Variants in CBFA2T3 observed in about 807,000 individuals in gnomAD.
The protein encoded by CBFA2T3 is transcriptional corepressor CBFA2T3.
In CBFA2T3, 31 loss-of-function variants were observed where a neutral mutation model predicts 58.6. That is an observed-to-expected ratio of 0.53 (90% CI 0.40 to 0.71). CBFA2T3 has a LOEUF of 0.71. Among genes scored for constraint, CBFA2T3 ranks in the 30% least tolerant of loss-of-function variants. The pLI is 0.00. For missense variants in CBFA2T3, 1,076 were observed against 963.1 expected (o/e 1.12, Z -1.55); for synonymous variants, 531 against 421.9 (o/e 1.26, Z -3.17).
intron 1 of CBFA2T3, among the ~76,000 whole-genome samples, chr16:88,930,971 A>G (rs1971280832): frequency 1.3e-5 from 2 of 151,928 alleles, no homozygotes. Flanking sequence ...GTGCTACTGA[A>G]GTGACACTAT....
intron 1 of CBFA2T3, among the ~76,000 whole-genome samples, chr16:88,950,046 C>A (rs1486231434): frequency 6.6e-6 from 1 of 152,144 alleles, no homozygotes; most frequent in Non-Finnish European, 1.5e-5. Context: ...ACCCCCGCCA[C>A]TCTCGAAGTC....
intron 1 of CBFA2T3, among the ~76,000 whole-genome samples, chr16:88,952,021 G>C (rs1445237144): frequency 6.6e-6 from 1 of 152,198 alleles, no homozygotes; most frequent in Non-Finnish European, 1.5e-5. Context: ...CAGGACCCCT[G>C]TGCAGAGGTG....
intron 1 of CBFA2T3, among the ~76,000 whole-genome samples, chr16:88,911,802 C>G (rs908626369): frequency 6.6e-6 from 1 of 152,268 alleles, no homozygotes; most frequent in Non-Finnish European, 1.5e-5. Flanking sequence ...GTGCCCAGAG[C>G]TGGCCCATAG....
intron 3 of CBFA2T3, 28 bp from the exon 4 acceptor site, chr16:88,892,513 A>G (rs769267561): frequency 1.8e-5 from 29 of 1,608,682 alleles, no homozygotes; most frequent in South Asian, 7.7e-5. Context: ...ACATGAGGAC[A>G]CAAAGGTGAT....
chr16:88,947,010 A>T (rs1266484585), intron 1 of CBFA2T3, among the ~76,000 whole-genome samples: 1 of 152,218 alleles, frequency 6.6e-6, no homozygotes, highest in African/African-American at 2.4e-5. Flanking sequence ...ATGACAGTCT[A>T]ATGGTAGACG....
intron 1 of CBFA2T3, among the ~76,000 whole-genome samples, chr16:88,971,925 C>T (rs1003346552): frequency 1.3e-5 from 2 of 152,238 alleles, no homozygotes; most frequent in South Asian, 2.1e-4. Context: ...GTTAACGGGA[C>T]GCACTGCTTC....
intron 3 of CBFA2T3, among the ~76,000 whole-genome samples, chr16:88,894,229 C>T (rs1427662817): frequency 2.1e-4 from 20 of 96,766 alleles, no homozygotes; most frequent in African/African-American, 8.3e-4. Flanking sequence ...CACACATGCA[C>T]ACACACATGC....
intron 1 of CBFA2T3, among the ~76,000 whole-genome samples, chr16:88,965,371 G>T (rs1368985738): frequency 6.6e-6 from 1 of 152,230 alleles, no homozygotes; most frequent in Non-Finnish European, 1.5e-5. Context: ...AGGTATGCTA[G>T]AAAATACAGT....
intron 1 of CBFA2T3, among the ~76,000 whole-genome samples, chr16:88,931,141 T>G (rs1027483977): frequency 3.3e-5 from 5 of 152,078 alleles, no homozygotes; most frequent in African/African-American, 1.2e-4. Context: ...GGAGCCAGGC[T>G]GCCTCTTCCC....
At chr16:88,932,632 G>A (rs746059191) in intron 1 of CBFA2T3, among the ~76,000 whole-genome samples, 1 of 151,458 alleles carries the variant, frequency 6.6e-6, no homozygotes, top group Non-Finnish European at 1.5e-5. Context: ...GAGCGATAGA[G>A]GGAGACCCCG....
At chr16:88,894,615 G>GCA (rs1555532648) in intron 3 of CBFA2T3, among the ~76,000 whole-genome samples, 1 of 144,488 alleles carries the variant, frequency 6.9e-6, no homozygotes, top group African/African-American at 2.9e-5. Flanking sequence ...GTACACACAT[G>GCA]CACACACACA....
At chr16:88,878,931 G>A (rs1229089640) in intron 11 of CBFA2T3, among the ~76,000 whole-genome samples, 1 of 152,180 alleles carries the variant, frequency 6.6e-6, no homozygotes, top group Non-Finnish European at 1.5e-5. Flanking sequence ...CTTCAGTCTG[G>A]GCAACAAGAG....
intron 1 of CBFA2T3, among the ~76,000 whole-genome samples, chr16:88,944,652 C>T (rs1437517801): frequency 6.6e-6 from 1 of 152,240 alleles, no homozygotes; most frequent in African/African-American, 2.4e-5. Context: ...TCTGATTTCC[C>T]TCTCAACCAC....
chr16:88,970,272 G>T (rs765897888), intron 1 of CBFA2T3, among the ~76,000 whole-genome samples: 2 of 152,192 alleles, frequency 1.3e-5, no homozygotes, highest in African/African-American at 4.8e-5. Flanking sequence ...CGGCGACGCG[G>T]GTGTCAGGCA....
intron 1 of CBFA2T3, among the ~76,000 whole-genome samples, chr16:88,967,105 CCCCAA>C (rs1406609825): frequency 1.0e-4 from 13 of 126,352 alleles, no homozygotes; most frequent in African/African-American, 2.9e-4. Context: ...TGTGTGCCAC[CCCCAA>C]CCCCCAACCC....
Position 88,886,066 on chromosome 16 carries a change from G to C in CBFA2T3, c.788C>G (p.Ala263Gly), listed in dbSNP as rs150202429. The C allele has an allele frequency of 7.6e-5, 121 of 1,590,342 alleles. 3 individuals carry two copies. The East Asian group carries it at 2.2e-3, about 28-fold the overall frequency. The change falls in exon 6 of 12, where the codon GCC becomes GGC. Residue 263 changes from alanine to glycine, a missense_variant. By Grantham distance (60) the Ala-to-Gly change is moderately conservative. Coordinates refer to ENST00000268679, the MANE Select transcript of CBFA2T3 (RefSeq NM_005187.6). ...GTCCAGCAGGAGCTGCTCATGCTGG[G>C]CCAAGTACTGGGCGGGCGTCTGCTT... ...LAKQTPAQYL[A>G]QHEQLLLDAS...
rs761606756 is a variant in CBFA2T3, at chr16:88,885,263, T to C, written c.900A>G (p.Lys300=). Residue 300 remains lysine (K), a synonymous_variant, in exon 7 of 12, where the codon AAA becomes AAG. Coordinates refer to ENST00000268679, the MANE Select transcript of CBFA2T3 (RefSeq NM_005187.6). The surrounding 1 kb of genome is among the most constrained non-coding windows in gnomAD (Gnocchi z 5.3). ...NGKRRTPDRT[K]ENGSDRDPLH... Reference sequence around the variant, plus strand: ...GCGGGTCGCGGTCTGACCCGTTCTCTTTGGTCCTAGCCCCAAGAGCAGGTG... The same window carrying C: ...GCGGGTCGCGGTCTGACCCGTTCTCCTTGGTCCTAGCCCCAAGAGCAGGTG... 1 of 1,543,820 alleles carries C rather than the reference T, an allele frequency of 6.5e-7. No homozygotes were observed. The highest frequency in any genetic ancestry group is 8.8e-7 in the Non-Finnish European group (1 of 1,140,578).
Position 88,892,041 on chromosome 16 carries a change from C to G in CBFA2T3, c.622-70G>C. 9.7e-6 allele frequency: 14 copies of G among 1,440,920 alleles called. No individual in the cohort carries two copies. In the South Asian group the frequency reaches 1.6e-4, roughly 17 times the overall value. The allele number at this position is 1,440,920 out of a possible 1,614,324, so 89.3% of individuals were successfully genotyped here. On this transcript the variant is annotated intron_variant, in intron 4 of 11. Transcript: ENST00000268679. ...TGAGCCAGCGCCGACCCACCCATGC[C>G]TGAGGAGGAGGCTTCCGTGTTGGAG...
intron 1 of CBFA2T3, among the ~76,000 whole-genome samples, chr16:88,947,412 C>G (rs188793461): frequency 2.1e-4 from 32 of 152,338 alleles, no homozygotes; most frequent in African/African-American, 6.5e-4. Context: ...CCATTCTACC[C>G]AGCCGATTTT....
Sources: gnomAD v4.1 joint callset for allele counts (sites outside exome capture counted in the v4.1 genomes callset) on GRCh38, gnomAD v4.1.1 for gene constraint, Gnocchi (gnomAD v3.1) non-coding constraint, MANE v1.5 for transcripts, NCBI Gene and HGNC (gene_info 2026-07-23, HGNC 2026-07-21) for gene names.